KDM1A: variants seen among roughly 807,000 people sequenced by gnomAD.
The protein encoded by KDM1A is lysine-specific histone demethylase 1A.
KDM1A carries 49 observed loss-of-function variants against 109.4 expected under a neutral mutation model. The observed-to-expected ratio is 0.45, with a 90% CI of 0.36 to 0.57. The LOEUF is 0.57. Among genes scored for constraint, KDM1A ranks in the 20% least tolerant of loss-of-function variants. The pLI, the probability that KDM1A is intolerant of heterozygous loss-of-function variation, is 0.00. For missense variants in KDM1A, 668 were observed against 1,116.6 expected (o/e 0.60, Z 5.73); for synonymous variants, 380 against 415.4 (o/e 0.91, Z 1.04).
intron 2 of KDM1A, among the ~76,000 whole-genome samples, chr1:23,037,303 CAAAAA>C (rs34692132): frequency 1.8e-5 from 1 of 55,860 alleles, no homozygotes. Context: ...GACCCTGTCT[CAAAAA>C]AAAAAAAAAA....
At chr1:23,033,934 A>C (rs929298313) in intron 2 of KDM1A, among the ~76,000 whole-genome samples, 5 of 152,198 alleles carry the variant, frequency 3.3e-5, no homozygotes, top group Non-Finnish European at 7.3e-5. Context: ...GATTGGAGAG[A>C]TAATTTAGGC....
At chr1:23,022,446 C>G (rs1641665396) in intron 1 of KDM1A, among the ~76,000 whole-genome samples, 1 of 151,896 alleles carries the variant, frequency 6.6e-6, no homozygotes, top group South Asian at 2.1e-4. Flanking sequence ...AGTGATTCTC[C>G]TGCCTCAGCC....
At chr1:23,078,395 AAC>A (rs1271811590) in intron 16 of KDM1A, among the ~76,000 whole-genome samples, 7 of 152,296 alleles carry the variant, frequency 4.6e-5, no homozygotes, top group Admixed American at 4.6e-4. Flanking sequence ...ATAGTATATA[AAC>A]AGACATTCAT....
At chr1:23,067,512 C>G (rs754614673) in intron 10 of KDM1A, among the ~76,000 whole-genome samples, 3 of 152,186 alleles carry the variant, frequency 2.0e-5, no homozygotes, top group Non-Finnish European at 4.4e-5. Context: ...TCAGTTACCT[C>G]TGATTGTAAA....
chr1:23,044,412 T>G lies in KDM1A; in HGVS notation c.518-15T>G. ...ATGGAGTAAGGTCCCTGAGTTCTCC[T>G]CTTTCCTTCCACAGGGCAAGCAGGA... On this transcript the variant is annotated splice_polypyrimidine_tract_variant and intron_variant, in intron 2 of 20. Transcript: ENST00000400181. 6.2e-7 allele frequency: 1 copy of G among 1,612,058 alleles called. No homozygotes were observed. The highest frequency in any genetic ancestry group is 8.5e-7 in the Non-Finnish European group (1 of 1,179,120).
chr1:23,072,928 C>G (rs1415874399), intron 14 of KDM1A, among the ~76,000 whole-genome samples: 1 of 152,210 alleles, frequency 6.6e-6, no homozygotes, highest in African/African-American at 2.4e-5. Flanking sequence ...GCATGAGCCA[C>G]AGCATCCAGC....
At chr1:23,023,500 A>G (rs1025181351) in intron 1 of KDM1A, among the ~76,000 whole-genome samples, 1 of 152,224 alleles carries the variant, frequency 6.6e-6, no homozygotes, top group East Asian at 1.9e-4. Context: ...TTGATTAACT[A>G]TAAATCTAAG....
chr1:23,050,934 A>G (rs890609940), intron 4 of KDM1A, among the ~76,000 whole-genome samples: 1 of 152,028 alleles, frequency 6.6e-6, no homozygotes, highest in African/African-American at 2.4e-5. Flanking sequence ...AAAATACAAA[A>G]ATTATCTGGG....
chr1:23,045,249 G>T (rs1219392415), intron 3 of KDM1A, among the ~76,000 whole-genome samples: 1 of 152,184 alleles, frequency 6.6e-6, no homozygotes, highest in Non-Finnish European at 1.5e-5. Flanking sequence ...CGTTTTGATA[G>T]AATTGGAATA....
chr1:23,021,124 C>T (rs1423319658), intron 1 of KDM1A, among the ~76,000 whole-genome samples: 4 of 151,984 alleles, frequency 2.6e-5, no homozygotes, highest in Non-Finnish European at 5.9e-5. Context: ...TGAGTATTAC[C>T]CAGTCTGAGA....
At chr1:23,035,014 A>G (rs1184417696) in intron 2 of KDM1A, among the ~76,000 whole-genome samples, 2 of 152,156 alleles carry the variant, frequency 1.3e-5, no homozygotes, top group African/African-American at 4.8e-5. Flanking sequence ...AACTCTTCAA[A>G]TAGATTTTTT....
chr1:23,075,248 G>C (rs927988412), intron 15 of KDM1A, among the ~76,000 whole-genome samples: 2 of 152,154 alleles, frequency 1.3e-5, no homozygotes, highest in Non-Finnish European at 2.9e-5. Flanking sequence ...AAATCACAAG[G>C]CTTCTTGGAC....
chr1:23,065,945 G>A, intron 9 of KDM1A, 115 bp from the exon 10 acceptor site: 2 of 1,446,996 alleles, frequency 1.4e-6, no homozygotes, highest in Non-Finnish European at 1.9e-6. Flanking sequence ...GAATGCTTCT[G>A]TCATGCTATG....
chr1:23,025,933 T>C (rs150599452), intron 1 of KDM1A, among the ~76,000 whole-genome samples: 1 of 151,956 alleles, frequency 6.6e-6, no homozygotes, highest in Non-Finnish European at 1.5e-5. Context: ...TTATACAAAA[T>C]TATAAAAATT....
Position 23,050,630 on chromosome 1 carries a change from A to G in KDM1A, c.711+110A>G, listed in dbSNP as rs1450828825. ...AGAAAGAATTCTAAAATTATCTATA[A>G]TACTATTATTACCCAGAGATAACCT... On this transcript the variant is annotated intron_variant, in intron 4 of 20. Coordinates refer to ENST00000400181, the MANE Select transcript of KDM1A (RefSeq NM_001009999.3). 1.1e-5 allele frequency: 9 copies of G among 837,590 alleles called. No individual in the cohort carries two copies. The South Asian group carries it at 2.1e-4, about 20-fold the overall frequency. The allele number at this position is 837,590 out of a possible 1,614,324, so 51.9% of individuals were successfully genotyped here. A position where few individuals can be genotyped will look rare whatever the true frequency, so the allele number is the denominator to read the frequency against.
In KDM1A at chr1:23,081,148, T is replaced by C. The variant is rs544033138; in HGVS notation, c.2171-298T>C. 5 of 279,010 alleles carry C rather than the reference T, an allele frequency of 1.8e-5. No homozygotes were observed. In the East Asian group the frequency reaches 4.0e-4, roughly 22 times the overall value. The allele number at this position is 279,010 out of a possible 1,614,324, so 17.3% of individuals were successfully genotyped here. A position where few individuals can be genotyped will look rare whatever the true frequency, so the allele number is the denominator to read the frequency against. ...TAAAGCGATGCTTAATAATTCCCTT[T>C]TATTAGCAAGATCTGAAATTATATC... On this transcript the variant is annotated intron_variant, in intron 18 of 20. Transcript: ENST00000400181.
intron 3 of KDM1A, 98 bp from the exon 4 acceptor site, chr1:23,050,289 G>A: frequency 7.9e-7 from 1 of 1,271,504 alleles, no homozygotes; most frequent in Non-Finnish European, 1.0e-6. Flanking sequence ...TTTTTAAAAA[G>A]GTCAGTCTGT....
chr1:23,046,565 A>G (rs1278119025), intron 3 of KDM1A, among the ~76,000 whole-genome samples: 1 of 152,148 alleles, frequency 6.6e-6, no homozygotes, highest in Non-Finnish European at 1.5e-5. Flanking sequence ...TGCTACCTAT[A>G]TCTTACACGA....
At chr1:23,020,478 TTC>T (rs1641589542) in intron 1 of KDM1A, 1 of 151,802 alleles carries the variant, frequency 6.6e-6, no homozygotes. Flanking sequence ...GTGGTAGGAG[TTC>T]TAGTCTTTTT....
Sources: allele counts gnomAD v4.1 joint callset (sites outside exome capture counted in the v4.1 genomes callset), GRCh38; gene constraint gnomAD v4.1.1; transcripts MANE v1.5; gene names NCBI Gene and HGNC (gene_info 2026-07-23, HGNC 2026-07-21).